Variants in MACROD2 observed in about 807,000 individuals in gnomAD.
MACROD2 encodes ADP-ribose glycohydrolase MACROD2.
In MACROD2, 36 loss-of-function variants were observed where a neutral mutation model predicts 70.4. That is an observed-to-expected ratio of 0.51 (90% confidence interval 0.39 to 0.68). MACROD2 has a LOEUF of 0.68. MACROD2 is among the 30% of genes least tolerant of loss of function. The pLI, the probability that MACROD2 is intolerant of heterozygous loss-of-function variation, is 0.00. For synonymous variants in MACROD2, 172 were observed against 178.8 expected (o/e 0.96, Z 0.30); for missense variants, 496 against 538.4 (o/e 0.92, Z 0.78).
At chr20:15,231,092 T>C (rs2076955521) in intron 6 of MACROD2, among the ~76,000 whole-genome samples, 1 of 152,092 alleles carries the variant, frequency 6.6e-6, no homozygotes, top group East Asian at 1.9e-4. Flanking sequence ...TTGTGCATGA[T>C]TGTAATTATG....
chr20:14,546,434 A>G (rs1274439947), intron 4 of MACROD2, among the ~76,000 whole-genome samples: 3 of 152,210 alleles, frequency 2.0e-5, no homozygotes, highest in African/African-American at 7.2e-5. Flanking sequence ...GCTACTGTTC[A>G]TAAGTGTTTC....
intron 3 of MACROD2, among the ~76,000 whole-genome samples, chr20:14,118,418 T>G (rs1289368201): frequency 1.3e-5 from 2 of 152,344 alleles, no homozygotes; most frequent in East Asian, 3.9e-4. Flanking sequence ...ACTTTCAACC[T>G]GAACATTGAC....
intron 6 of MACROD2, among the ~76,000 whole-genome samples, chr20:15,276,587 C>T (rs988288940): frequency 6.6e-6 from 1 of 151,828 alleles, no homozygotes; most frequent in African/African-American, 2.4e-5. Flanking sequence ...AGTAATTACA[C>T]GAAAATACGG....
intron 6 of MACROD2, among the ~76,000 whole-genome samples, chr20:15,308,593 T>A (rs2146142001): frequency 6.6e-6 from 1 of 152,298 alleles, no homozygotes. Flanking sequence ...ACATTGGAAT[T>A]TACACTCTTT....
chr20:15,353,178 G>A (rs1215842789), intron 6 of MACROD2, among the ~76,000 whole-genome samples: 2 of 151,326 alleles, frequency 1.3e-5, no homozygotes, highest in Non-Finnish European at 3.0e-5. Flanking sequence ...GAACAGAACA[G>A]AGCCCTCAGA....
At chr20:15,950,284 AT>A (rs2065886050) in intron 12 of MACROD2, among the ~76,000 whole-genome samples, 1 of 152,200 alleles carries the variant, frequency 6.6e-6, no homozygotes, top group Non-Finnish European at 1.5e-5. Flanking sequence ...TCCAGAGTTA[AT>A]TTTGAAGGTA....
intron 8 of MACROD2, among the ~76,000 whole-genome samples, chr20:15,660,711 C>A (rs1223818732): frequency 6.6e-6 from 1 of 152,248 alleles, no homozygotes; most frequent in East Asian, 1.9e-4. Context: ...TAAGGCATCA[C>A]CAGATAAAAT....
chr20:14,448,002 GTGTGTC>G (rs1445610925), intron 3 of MACROD2, among the ~76,000 whole-genome samples: 4 of 151,026 alleles, frequency 2.6e-5, no homozygotes, highest in African/African-American at 7.3e-5. Context: ...GTGTGTGTGT[GTGTGTC>G]TGTGTCTGCA....
intron 3 of MACROD2, among the ~76,000 whole-genome samples, chr20:14,258,636 G>A (rs1360285338): frequency 1.3e-5 from 2 of 152,000 alleles, no homozygotes; most frequent in Non-Finnish European, 2.9e-5. Context: ...CATAGCTTGC[G>A]AATATTTTCT....
At chr20:15,021,206 ATG>A in intron 5 of MACROD2, among the ~76,000 whole-genome samples, 1 of 98,716 alleles carries the variant, frequency 1.0e-5, no homozygotes, top group Non-Finnish European at 2.1e-5. Flanking sequence ...ACCTGTGTGT[ATG>A]TATACACATA....
chr20:15,868,324 G>A (rs1277378466), intron 9 of MACROD2, among the ~76,000 whole-genome samples: 2 of 152,142 alleles, frequency 1.3e-5, no homozygotes, highest in Non-Finnish European at 1.5e-5. Context: ...TGTACCCACA[G>A]ATTTCTATAT....
At chr20:15,831,842 C>G (rs1040754823) in intron 8 of MACROD2, among the ~76,000 whole-genome samples, 7 of 152,142 alleles carry the variant, frequency 4.6e-5, no homozygotes, top group Non-Finnish European at 1.0e-4. Context: ...ATTTGGGAAG[C>G]AATCATGTTA....
intron 8 of MACROD2, among the ~76,000 whole-genome samples, chr20:15,662,727 T>C (rs1021716172): frequency 1.2e-4 from 18 of 148,050 alleles, no homozygotes; most frequent in Non-Finnish European, 1.8e-4. Context: ...TTTTTTTTTT[T>C]CTGTCTGTTG....
At position 14,026,994 on chromosome 20, in the gene MACROD2, C is replaced by T. The variant is rs117490777; in HGVS notation, c.163+24590C>T. ...TCAAGTGGGTCCCTGACCCTTGTGC[C>T]TCCTGACTAGGTGACACCTCCCAGC... On this transcript the variant is annotated intron_variant, in intron 2 of 17. Transcript: ENST00000684519. Among the ~76,000 whole-genome samples, 31 of 152,326 alleles carry T rather than the reference C, an allele frequency of 2.0e-4. No individual in the cohort carries two copies. The East Asian group carries it at 5.0e-3, about 25-fold the overall frequency.
chr20:16,006,961 A>G (rs11906454), intron 15 of MACROD2, among the ~76,000 whole-genome samples: 7,838 of 152,274 alleles, frequency 0.051, 593 homozygotes, highest in African/African-American at 0.16. Flanking sequence ...CCTGTATTAA[A>G]TATTATACAT....
intron 6 of MACROD2, among the ~76,000 whole-genome samples, chr20:15,390,357 T>G (rs146459394): frequency 9.2e-5 from 14 of 152,312 alleles, no homozygotes; most frequent in African/African-American, 3.4e-4. Flanking sequence ...CCCCATTACA[T>G]TCACCAGTTT....
chr20:14,415,179 G>A (rs6042718), intron 3 of MACROD2, among the ~76,000 whole-genome samples: 1 of 152,120 alleles, frequency 6.6e-6, no homozygotes, highest in African/African-American at 2.4e-5. Flanking sequence ...AAACACGAAA[G>A]GAAGTATTAT....
At chr20:15,888,796 T>C (rs2064852960) in intron 10 of MACROD2, among the ~76,000 whole-genome samples, 1 of 152,106 alleles carries the variant, frequency 6.6e-6, no homozygotes, top group Admixed American at 6.6e-5. Context: ...GCTGAAATCA[T>C]GGAGGATTTT....
At chr20:14,195,401 G>A (rs975416549) in intron 3 of MACROD2, among the ~76,000 whole-genome samples, 12 of 152,064 alleles carry the variant, frequency 7.9e-5, no homozygotes, top group African/African-American at 2.2e-4. Flanking sequence ...GAAGGGAAGG[G>A]CATGGTCCCT....
Sources: allele counts gnomAD v4.1 joint callset (sites outside exome capture counted in the v4.1 genomes callset), GRCh38; gene constraint gnomAD v4.1.1; transcripts MANE v1.5; gene names NCBI Gene and HGNC (gene_info 2026-07-23, HGNC 2026-07-21).